The following PPME1 variants were observed in gnomAD, a reference collection of about 807,000 sequenced individuals.
The protein encoded by PPME1 is protein phosphatase methylesterase 1.
A neutral mutation model predicts 56.9 loss-of-function variants in PPME1; 17 were observed. The ratio of observed to expected loss-of-function variants is 0.30; its 90% CI spans 0.20 to 0.45. The LOEUF (loss-of-function observed/expected upper bound fraction) is 0.45, where lower values mean the gene tolerates loss of function less well. Among genes scored for constraint, PPME1 ranks in the 20% least tolerant of loss-of-function variants. The pLI is 1.00. For missense variants in PPME1, 357 were observed against 483.2 expected (o/e 0.74, Z 2.45); for synonymous variants, 122 against 156.2 (o/e 0.78, Z 1.63).
Position 74,253,833 on chromosome 11 carries a change from A to G in PPME1, c.*323A>G, listed in dbSNP as rs548513457. On this transcript the variant is annotated 3_prime_UTR_variant, in exon 14 of 14. Coordinates refer to ENST00000328257, the MANE Select transcript of PPME1 (RefSeq NM_016147.3). Reference sequence around the variant, plus strand: ...TTTGCCATACTGAGCCCCTCTTCCTAGCATCAGGCGATACATCTGAGTTCA... The same window carrying G: ...TTTGCCATACTGAGCCCCTCTTCCTGGCATCAGGCGATACATCTGAGTTCA... 2.1e-6 allele frequency: 1 copy of G among 487,242 alleles called. No individual in the cohort carries two copies. The highest frequency in any genetic ancestry group is 3.1e-5 in the South Asian group (1 of 31,824). The allele number at this position is 487,242 out of a possible 1,614,324, so 30.2% of individuals were successfully genotyped here. A position where few individuals can be genotyped will look rare whatever the true frequency, so the allele number is the denominator to read the frequency against.
At chr11:74,196,635 A>G (rs1369131798) in intron 1 of PPME1, among the ~76,000 whole-genome samples, 1 of 111,802 alleles carries the variant, frequency 8.9e-6, no homozygotes, top group African/African-American at 3.8e-5. Context: ...AAGTAAAAGC[A>G]AGTTTACTAA....
At chr11:74,185,897 C>G (rs1045587697) in intron 1 of PPME1, among the ~76,000 whole-genome samples, 5 of 152,004 alleles carry the variant, frequency 3.3e-5, no homozygotes, top group African/African-American at 9.7e-5. Flanking sequence ...GTTGGAAGTT[C>G]CTATGGCTTA....
intron 11 of PPME1, chr11:74,250,161 T>A (rs1008650872): frequency 6.6e-6 from 1 of 152,150 alleles, no homozygotes; most frequent in Non-Finnish European, 1.5e-5. Flanking sequence ...TCAAGCCCAT[T>A]CCTTTATTTT....
At chr11:74,173,231 C>G (rs1401482398) in intron 1 of PPME1, among the ~76,000 whole-genome samples, 1 of 152,200 alleles carries the variant, frequency 6.6e-6, no homozygotes, top group Non-Finnish European at 1.5e-5. Context: ...TTTGGGAAAA[C>G]TAACCTGGAG....
At chr11:74,209,639 ATGAT>A (rs1202464314) in intron 3 of PPME1, among the ~76,000 whole-genome samples, 4 of 152,328 alleles carry the variant, frequency 2.6e-5, no homozygotes, top group East Asian at 1.9e-4. Flanking sequence ...ACTAGTATAG[ATGAT>A]TGATTGGGCA....
chr11:74,185,045 G>C (rs1055975541), intron 1 of PPME1, among the ~76,000 whole-genome samples: 1 of 139,372 alleles, frequency 7.2e-6, no homozygotes, highest in Non-Finnish European at 1.5e-5. Flanking sequence ...TGTCACCCAG[G>C]CTGGAGTGCA....
chr11:74,199,979 T>C lies in PPME1; in HGVS notation c.102-3749T>C, dbSNP rs144710826. 1.6e-3 allele frequency among the ~76,000 whole-genome samples: 251 copies of C among 152,352 alleles called. 2 individuals are homozygous for C. Among genetic ancestry groups the C allele is most frequent in the African/African-American group, 4.9e-3 (203 of 41,590 alleles). On this transcript the variant is annotated intron_variant, in intron 1 of 13. Coordinates refer to ENST00000328257, the MANE Select transcript of PPME1 (RefSeq NM_016147.3). ...CCACAACACATGGAATTATGGGAGC[T>C]ACAATTCAAGATGAGATTTGGGTAA...
At chr11:74,231,098 C>A in intron 7 of PPME1, 96 bp downstream of exon 7, 1 of 1,084,564 alleles carries the variant, frequency 9.2e-7, no homozygotes, top group Non-Finnish European at 1.4e-6. Context: ...CACTCTGTCA[C>A]CCAGGCTGGA....
rs1487190621 is a variant in PPME1, at chr11:74,174,987, C to G, written c.101+3465C>G. ...GTGTCACTCTTCCTTTTAATAGATG[C>G]CAATGGATGTTGCCAAAAACAGTGG... On this transcript the variant is annotated intron_variant, in intron 1 of 13. Transcript: ENST00000328257. Among the ~76,000 whole-genome samples the G allele has an allele frequency of 4.6e-5, 7 of 152,120 alleles. No homozygotes were observed. The South Asian group carries it at 6.2e-4, about 14-fold the overall frequency.
intron 3 of PPME1, among the ~76,000 whole-genome samples, chr11:74,221,995 T>C (rs1286414294): frequency 6.6e-6 from 1 of 152,160 alleles, no homozygotes; most frequent in Non-Finnish European, 1.5e-5. Context: ...CCAAGGAATA[T>C]AGATGAAAAC....
chr11:74,223,283 T>C (rs1858848332), intron 4 of PPME1, among the ~76,000 whole-genome samples: 1 of 151,518 alleles, frequency 6.6e-6, no homozygotes, highest in Non-Finnish European at 1.5e-5. Flanking sequence ...CATCATTTTT[T>C]ATGGCTGCAT....
At chr11:74,174,134 C>T (rs1407120147) in intron 1 of PPME1, among the ~76,000 whole-genome samples, 1 of 143,632 alleles carries the variant, frequency 7.0e-6, no homozygotes, top group Non-Finnish European at 1.5e-5. Context: ...CTCATTTCAC[C>T]ACTTCATGTA....
intron 12 of PPME1, 81 bp from the exon 13 acceptor site, chr11:74,251,567 C>T: frequency 6.4e-7 from 1 of 1,571,580 alleles, no homozygotes; most frequent in Non-Finnish European, 8.6e-7. Flanking sequence ...TAGAGCCTAA[C>T]CATCTAACAG....
chr11:74,173,737 T>G (rs1346210342), intron 1 of PPME1, among the ~76,000 whole-genome samples: 1 of 152,180 alleles, frequency 6.6e-6, no homozygotes, highest in African/African-American at 2.4e-5. Context: ...AGAGGGGATT[T>G]CGCCATGTTG....
chr11:74,174,827 G>C (rs1005801536), intron 1 of PPME1, among the ~76,000 whole-genome samples: 2 of 152,206 alleles, frequency 1.3e-5, no homozygotes, highest in East Asian at 3.8e-4. Flanking sequence ...TGTGGGTAAA[G>C]ACATTCAGAC....
chr11:74,239,321 G>T (rs1859286027), intron 9 of PPME1, 65 bp downstream of exon 9: 7 of 1,566,974 alleles, frequency 4.5e-6, no homozygotes, highest in Non-Finnish European at 6.0e-6. Flanking sequence ...GTGTGGGTGG[G>T]AAGGGGTGAT....
At chr11:74,185,173 T>C (rs1732049944) in intron 1 of PPME1, among the ~76,000 whole-genome samples, 1 of 151,914 alleles carries the variant, frequency 6.6e-6, no homozygotes, top group African/African-American at 2.4e-5. Flanking sequence ...CTAATTTTTG[T>C]ATTTTTAGTA....
chr11:74,251,825 C>A, intron 13 of PPME1, 110 bp downstream of exon 13: 1 of 1,355,050 alleles, frequency 7.4e-7, no homozygotes, highest in Non-Finnish European at 1.1e-6. Context: ...GTTTGGTCAC[C>A]ATGCCTTTCT....
chr11:74,224,658 A>C (rs1436136987), intron 4 of PPME1, among the ~76,000 whole-genome samples: 52 of 143,418 alleles, frequency 3.6e-4, no homozygotes, highest in African/African-American at 1.0e-3. Flanking sequence ...GAGGTCCTTC[A>C]CATCCCTTGT....
Sources: allele counts gnomAD v4.1 joint callset (sites outside exome capture counted in the v4.1 genomes callset), GRCh38; gene constraint gnomAD v4.1.1; transcripts MANE v1.5; gene names NCBI Gene and HGNC (gene_info 2026-07-23, HGNC 2026-07-21).